The following LUC7L3 variants were observed in gnomAD, a reference collection of about 807,000 sequenced individuals.
LUC7L3 encodes luc7-like protein 3.
LUC7L3 carries 6 observed loss-of-function variants against 66.8 expected under a neutral mutation model. The ratio of observed to expected loss-of-function variants is 0.09; its 90% CI spans 0.05 to 0.18. The LOEUF is 0.18. Among genes scored for constraint, LUC7L3 ranks in the 10% least tolerant of loss-of-function variants. The pLI is 1.00. For synonymous variants in LUC7L3, 160 were observed against 174.7 expected (o/e 0.92, Z 0.66); for missense variants, 341 against 531.1 (o/e 0.64, Z 3.52).
chr17:50,743,648 AAG>A, intron 5 of LUC7L3, 56 bp from the exon 6 acceptor site: 1 of 1,121,434 alleles, frequency 8.9e-7, no homozygotes, highest in Middle Eastern at 2.0e-4. Flanking sequence ...ATGGGGAAAA[AAG>A]ACAATAGTTG....
chr17:50,749,264 C>G (rs1970861670), intron 9 of LUC7L3: 1 of 1,288,982 alleles, frequency 7.8e-7, no homozygotes, highest in African/African-American at 1.5e-5. Flanking sequence ...CTCTACGGGA[C>G]AACAAGACGA....
At chr17:50,743,253 C>A (rs1970463842) in intron 5 of LUC7L3, among the ~76,000 whole-genome samples, 1 of 151,908 alleles carries the variant, frequency 6.6e-6, no homozygotes, top group Non-Finnish European at 1.5e-5. Flanking sequence ...GGCTGGAGTG[C>A]AGTGGCACGA....
intron 1 of LUC7L3, among the ~76,000 whole-genome samples, chr17:50,724,499 C>G (rs1226809617): frequency 1.3e-5 from 2 of 151,600 alleles, no homozygotes; most frequent in African/African-American, 4.8e-5. Context: ...CCAGCCTGGG[C>G]AACAGAGTGA....
At position 50,746,554 on chromosome 17, in the gene LUC7L3, A is replaced by G; in HGVS notation, c.990A>G (p.Arg330=). 6.2e-7 allele frequency: 1 copy of G among 1,612,782 alleles called. No homozygotes were observed. Among genetic ancestry groups the G allele is most frequent in the Non-Finnish European group, 8.5e-7 (1 of 1,179,700 alleles). ...TTAAATTATTAAGAAGTAGAGATCGACGAAGAAGCAGAAGCCATGATCGAT... is the reference window on the plus strand; with the variant it reads ...TTAAATTATTAAGAAGTAGAGATCGGCGAAGAAGCAGAAGCCATGATCGAT... ...RERRRSRSRD[R]RRSRSHDRSE... Residue 330 remains arginine (R), a synonymous_variant, in exon 9 of 10, where the codon CGA becomes CGG. Coordinates refer to ENST00000505658, the MANE Select transcript of LUC7L3 (RefSeq NM_016424.5).
At position 50,750,697 on chromosome 17, in the gene LUC7L3, A is replaced by G. The variant is rs1034233703; in HGVS notation, c.*36A>G. 33 of 1,614,018 alleles carry G rather than the reference A, an allele frequency of 2.0e-5. No homozygotes were observed. The highest frequency in any genetic ancestry group is 2.8e-5 in the Non-Finnish European group (33 of 1,179,946). On this transcript the variant is annotated 3_prime_UTR_variant, in exon 10 of 10. Coordinates refer to ENST00000505658, the MANE Select transcript of LUC7L3 (RefSeq NM_016424.5). ...ATAAGACCTCAGATCAGACAGAGGT[A>G]AGTGTATTGTTTCTCACTTTGATTA...
chr17:50,744,591 C>A, intron 6 of LUC7L3, 61 bp from the exon 7 acceptor site: 3 of 1,482,660 alleles, frequency 2.0e-6, no homozygotes, highest in Non-Finnish European at 1.8e-6. Flanking sequence ...ATGTTGAGTA[C>A]TTTCCTGGGA....
chr17:50,727,110 A>G (rs1349422500), intron 1 of LUC7L3, among the ~76,000 whole-genome samples: 1 of 152,160 alleles, frequency 6.6e-6, no homozygotes, highest in African/African-American at 2.4e-5. Flanking sequence ...AATACAGTAT[A>G]TAATACAAAT....
At chr17:50,746,180 C>CT (rs1970655584) in intron 8 of LUC7L3, among the ~76,000 whole-genome samples, 177 bp downstream of exon 8, 1 of 152,202 alleles carries the variant, frequency 6.6e-6, no homozygotes, top group African/African-American at 2.4e-5. Context: ...GGGGCAACTT[C>CT]TGTGCCATTT....
intron 1 of LUC7L3, among the ~76,000 whole-genome samples, chr17:50,728,503 A>G (rs1237452973): frequency 2.0e-5 from 3 of 152,196 alleles, no homozygotes; most frequent in Admixed American, 6.5e-5. Context: ...GAATTAAACT[A>G]TTAATATTGA....
At chr17:50,739,978 T>C (rs1450623872) in intron 2 of LUC7L3, among the ~76,000 whole-genome samples, 1 of 152,214 alleles carries the variant, frequency 6.6e-6, no homozygotes, top group Non-Finnish European at 1.5e-5. Context: ...TTCAGTTCAG[T>C]GGTCTGTCCC....
At chr17:50,742,595 G>C (rs1387814988) in intron 5 of LUC7L3, among the ~76,000 whole-genome samples, 1 of 152,144 alleles carries the variant, frequency 6.6e-6, no homozygotes, top group Non-Finnish European at 1.5e-5. Context: ...CTGACCTCAA[G>C]TAATCCGCCC....
At chr17:50,744,880 C>T in intron 7 of LUC7L3, 67 bp downstream of exon 7, 2 of 1,308,780 alleles carry the variant, frequency 1.5e-6, no homozygotes, top group Non-Finnish European at 2.1e-6. Context: ...GACGCGATCT[C>T]AGCTCACTGC....
intron 1 of LUC7L3, among the ~76,000 whole-genome samples, chr17:50,734,837 T>G (rs1969869776): frequency 6.6e-6 from 1 of 152,140 alleles, no homozygotes; most frequent in Admixed American, 6.6e-5. Flanking sequence ...AACAATAAAA[T>G]GAGTCTTTAG....
chr17:50,751,691 G>C lies in LUC7L3; in HGVS notation c.*1030G>C. ...GCTTAATATTTCCTACTGTGTAGGA[G>C]AATTTGCAGTCAGCCATAGGTATGT... On this transcript the variant is annotated 3_prime_UTR_variant, in exon 10 of 10. Transcript: ENST00000505658. The C allele has an allele frequency of 9.4e-7, 1 of 1,064,008 alleles. No individual in the cohort carries two copies. Among genetic ancestry groups the C allele is most frequent in the Non-Finnish European group, 1.1e-6 (1 of 875,312 alleles). 65.9% of individuals were successfully genotyped at this position (1,064,008 alleles called of 1,614,324 possible).
chr17:50,754,365 G>A lies in LUC7L3; in HGVS notation c.*3704G>A, dbSNP rs1971071812. The A allele has an allele frequency of 6.6e-6, 1 of 152,074 alleles. No homozygotes were observed. Among genetic ancestry groups the A allele is most frequent in the Non-Finnish European group, 1.5e-5 (1 of 67,982 alleles). 9.4% of individuals were successfully genotyped at this position (152,074 alleles called of 1,614,324 possible). A position where few individuals can be genotyped will look rare whatever the true frequency, so the allele number is the denominator to read the frequency against. ...TTATACTTCATGAGTGATTGTATTT[G>A]TATCCACTGTTTTCTATTATTTTCG... On this transcript the variant is annotated 3_prime_UTR_variant, in exon 10 of 10. Transcript: ENST00000505658.
chr17:50,735,069 AAAAATTC>A (rs1969884624), intron 1 of LUC7L3, among the ~76,000 whole-genome samples: 1 of 152,080 alleles, frequency 6.6e-6, no homozygotes, highest in Non-Finnish European at 1.5e-5. Context: ...CATCTCTACT[AAAAATTC>A]AAAATTGGCC....
chr17:50,746,107 G>A (rs56146527), intron 8 of LUC7L3, 104 bp downstream of exon 8: 86,194 of 1,408,494 alleles, frequency 0.061, 4,380 homozygotes, highest in African/African-American at 0.26. Flanking sequence ...AAGCTCTTAA[G>A]CATCTTTAAG....
intron 1 of LUC7L3, among the ~76,000 whole-genome samples, chr17:50,720,171 AC>A (rs1426853750): frequency 6.6e-6 from 1 of 152,250 alleles, no homozygotes; most frequent in Non-Finnish European, 1.5e-5. Context: ...GGAGAAGGGC[AC>A]ATTTTTCTAT....
chr17:50,723,347 G>T (rs1289704458), intron 1 of LUC7L3: 2 of 152,156 alleles, frequency 1.3e-5, no homozygotes, highest in East Asian at 3.8e-4. Flanking sequence ...ATTGAACTAT[G>T]TTCTTTTCTA....
Sources: allele counts gnomAD v4.1 joint callset (sites outside exome capture counted in the v4.1 genomes callset), GRCh38; gene constraint gnomAD v4.1.1; transcripts MANE v1.5; gene names NCBI Gene and HGNC (gene_info 2026-07-23, HGNC 2026-07-21).